Variants in ABCC2 observed in about 807,000 individuals in gnomAD.
ABCC2 encodes ATP-binding cassette sub-family C member 2.
In ABCC2, 157 loss-of-function variants were observed where a neutral mutation model predicts 173.4. That is an observed-to-expected ratio of 0.91 (90% CI 0.80 to 1.03). ABCC2 has a LOEUF of 1.03. Ranked by LOEUF, ABCC2 falls within the 50% of genes least tolerant of loss-of-function variation. The pLI, the probability that ABCC2 is intolerant of heterozygous loss-of-function variation, is 0.00. For synonymous variants in ABCC2, 657 were observed against 693.5 expected (o/e 0.95, Z 0.83); for missense variants, 1,822 against 1,852.3 (o/e 0.98, Z 0.30).
chr10:99,798,383 G>A (rs975968326), intron 7 of ABCC2, among the ~76,000 whole-genome samples: 1 of 152,170 alleles, frequency 6.6e-6, no homozygotes, highest in African/African-American at 2.4e-5. Context: ...AGCATAGACA[G>A]AGGCTGGTGA....
chr10:99,817,324 T>A lies in ABCC2; in HGVS notation c.2111T>A (p.Val704Asp). 2 of 1,614,158 alleles carry A rather than the reference T, an allele frequency of 1.2e-6. No individual in the cohort carries two copies. Among genetic ancestry groups the A allele is most frequent in the Non-Finnish European group, 1.7e-6 (2 of 1,180,006 alleles). ...HITIKGTTAY[V>D]PQQSWIQNGT... The stretch of plus-strand genomic sequence containing the variant: ...TTCATCTAGGGCACCACTGCCTATG[T>A]CCCACAGCAGTCCTGGATTCAGAAT... The change falls in exon 17 of 32, where the codon GTC becomes GAC. Residue 704 changes from valine to aspartate, a missense_variant. Coordinates refer to ENST00000647814, the MANE Select transcript of ABCC2 (RefSeq NM_000392.5).
intron 18 of ABCC2, 56 bp from the exon 19 acceptor site, chr10:99,819,030 TAAG>T: frequency 6.2e-7 from 1 of 1,612,014 alleles, no homozygotes; most frequent in Non-Finnish European, 8.5e-7. Flanking sequence ...GTCTGGCAAG[TAAG>T]ACAGGGAAGA....
intron 16 of ABCC2, among the ~76,000 whole-genome samples, chr10:99,814,106 C>CAT (rs1221402963): frequency 0.022 from 1,401 of 63,476 alleles, 346 homozygotes; most frequent in African/African-American, 0.072. Flanking sequence ...TATATACACA[C>CAT]ATATGTGTAT....
intron 16 of ABCC2, among the ~76,000 whole-genome samples, chr10:99,815,972 T>G (rs929061064): frequency 2.7e-5 from 4 of 150,382 alleles, no homozygotes; most frequent in African/African-American, 9.7e-5. Context: ...TGGTCTTGTT[T>G]TTTTTTTTTT....
intron 19 of ABCC2, among the ~76,000 whole-genome samples, chr10:99,821,849 C>T (rs1389123199): frequency 2.0e-5 from 3 of 152,004 alleles, no homozygotes; most frequent in Admixed American, 1.3e-4. Context: ...GGCCCGTTCT[C>T]GATGGTCGCT....
At chr10:99,808,928 G>A (rs1240699968) in intron 13 of ABCC2, among the ~76,000 whole-genome samples, 5 of 152,184 alleles carry the variant, frequency 3.3e-5, no homozygotes, top group Admixed American at 1.3e-4. Flanking sequence ...AGGGTGTAAA[G>A]AAAAGCTGGC....
At position 99,830,726 on chromosome 10, in the gene ABCC2, A is replaced by G; in HGVS notation, c.2758A>G (p.Asn920Asp). The G allele has an allele frequency of 6.2e-7, 1 of 1,614,128 alleles. No individual in the cohort carries two copies. The highest frequency in any genetic ancestry group is 8.5e-7 in the Non-Finnish European group (1 of 1,180,020). Residue 920 changes from asparagine (N) to aspartate (D), a missense_variant, in exon 21 of 32, where the codon AAT (asparagine) becomes GAT (aspartate). Transcript: ENST00000647814. ...GCTTCCCTCTCTCAGTTCTAGGTCC[A>G]ATGGCAGGCATCTGAAGTCCCTGAG... ...RRTLSRSSRS[N>D]GRHLKSLRNS...
intron 16 of ABCC2, among the ~76,000 whole-genome samples, chr10:99,814,785 A>G (rs1229059213): frequency 1.5e-4 from 15 of 99,966 alleles, no homozygotes; most frequent in Admixed American, 1.3e-3. Context: ...GTATGTATAT[A>G]CACACACACA....
chr10:99,836,178 T>A lies in ABCC2; in HGVS notation c.3502T>A (p.Ser1168Thr). ...CTACTCTCACTTCAGCGAGACCGTA[T>A]CAGGTTTGCCAGTTATCCGTGCCTT... Reference protein sequence around the residue: ...PIYSHFSETVSGLPVIRAFEH... With the variant: ...PIYSHFSETVTGLPVIRAFEH... The change falls in exon 25 of 32, where the codon TCA becomes ACA. Residue 1168 changes from serine (S) to threonine (T), a missense_variant. By Grantham distance (58) the Ser-to-Thr change is moderately conservative (BLOSUM62 1). Transcript: ENST00000647814. The A allele has an allele frequency of 6.2e-7, 1 of 1,614,208 alleles. No homozygotes were observed. The highest frequency in any genetic ancestry group is 8.5e-7 in the Non-Finnish European group (1 of 1,180,042).
Position 99,793,684 on chromosome 10 carries a change from A to G in ABCC2, c.467A>G (p.Gln156Arg), listed in dbSNP as rs750041547. The G allele has an allele frequency of 4.3e-6, 7 of 1,613,994 alleles. No homozygotes were observed. In the Admixed American group the frequency reaches 6.7e-5, roughly 15 times the overall value. The change falls in exon 4 of 32, where the codon CAG becomes CGG. Residue 156 changes from glutamine (Q) to arginine (R), a missense_variant and splice_region_variant. Coordinates refer to ENST00000647814, the MANE Select transcript of ABCC2 (RefSeq NM_000392.5). ...CAGACTCTGATCCGGACACTCTTAC[A>G]GGTAAGGAAAAAAAGAGTGGATGAC... ...QFQTLIRTLL[Q>R]GDNSNLAYSC...
In ABCC2 at chr10:99,784,973, T is replaced by G. The variant is rs4148383; in HGVS notation, c.207+192T>G. Among the ~76,000 whole-genome samples the G allele has an allele frequency of 9.8e-4, 149 of 152,328 alleles. 4 individuals are homozygous for G. The East Asian group carries it at 0.027, about 27-fold the overall frequency. ...CTTAAATCAAAGTGGCTTTGATTTT[T>G]GCATAAGAATGGTGACTCTTAATTC... On this transcript the variant is annotated intron_variant, in intron 2 of 31. Coordinates refer to ENST00000647814, the MANE Select transcript of ABCC2 (RefSeq NM_000392.5).
At chr10:99,820,944 A>T (rs112774653) in intron 19 of ABCC2, among the ~76,000 whole-genome samples, 5 of 152,190 alleles carry the variant, frequency 3.3e-5, no homozygotes, top group African/African-American at 1.2e-4. Context: ...AGCGTTTAGC[A>T]TATGGAGGAT....
rs560072483 is a variant in ABCC2, at chr10:99,790,711, A to G, written c.208-1523A>G. 1.1e-4 allele frequency among the ~76,000 whole-genome samples: 17 copies of G among 152,278 alleles called. No homozygotes were observed. The South Asian group carries it at 2.9e-3, about 26-fold the overall frequency. On this transcript the variant is annotated intron_variant, in intron 2 of 31. Transcript: ENST00000647814. ...TAGTCTCTTGTGAGGAAAACACCCTATAGTGTATTATATACTTGAAAAAAT... is the reference window on the plus strand; with the variant it reads ...TAGTCTCTTGTGAGGAAAACACCCTGTAGTGTATTATATACTTGAAAAAAT...
chr10:99,824,218 G>A (rs1012370921), intron 19 of ABCC2, among the ~76,000 whole-genome samples: 19 of 152,068 alleles, frequency 1.2e-4, no homozygotes, highest in South Asian at 4.2e-4. Context: ...AGAGTTGGCC[G>A]AATCCAATTA....
At chr10:99,842,265 T>C (rs1317363775) in intron 26 of ABCC2, among the ~76,000 whole-genome samples, 172 bp downstream of exon 26, 2 of 152,224 alleles carry the variant, frequency 1.3e-5, no homozygotes, top group Non-Finnish European at 2.9e-5. Context: ...TTCCTTACTC[T>C]TCCTAAGTAG....
intron 9 of ABCC2, among the ~76,000 whole-genome samples, chr10:99,803,234 G>C (rs1023091030): frequency 6.6e-6 from 1 of 152,250 alleles, no homozygotes; most frequent in African/African-American, 2.4e-5. Context: ...CTTCCAAAGT[G>C]CTAGGATTAC....
intron 19 of ABCC2, among the ~76,000 whole-genome samples, chr10:99,827,876 C>T (rs1441408034): frequency 2.1e-5 from 3 of 140,710 alleles, no homozygotes; most frequent in South Asian, 2.5e-4. Flanking sequence ...TATATGTACT[C>T]GGGATCTCTC....
chr10:99,830,800 A>C lies in ABCC2; in HGVS notation c.2832A>C (p.Glu944Asp). ...TGAATAGCCTGAAGGAAGACGAAGA[A>C]CTAGTGAAAGGACAAAAACTAATTA... Reference protein sequence around the residue: ...RNVNSLKEDEELVKGQKLIKK... With the variant: ...RNVNSLKEDEDLVKGQKLIKK... Residue 944 changes from glutamate to aspartate, a missense_variant, in exon 21 of 32, where the codon GAA becomes GAC. Glu to Asp is a conservative substitution (Grantham distance 45). Coordinates refer to ENST00000647814, the MANE Select transcript of ABCC2 (RefSeq NM_000392.5). 1.2e-6 allele frequency: 2 copies of C among 1,614,174 alleles called. No homozygotes were observed. Among genetic ancestry groups the C allele is most frequent in the Non-Finnish European group, 1.7e-6 (2 of 1,180,014 alleles).
chr10:99,783,205 T>C (rs753658090), intron 1 of ABCC2, among the ~76,000 whole-genome samples: 2 of 152,196 alleles, frequency 1.3e-5, no homozygotes, highest in African/African-American at 2.4e-5. Flanking sequence ...CATACTTTGC[T>C]AGTAGAAGGA....
Sources: gnomAD v4.1 joint callset for allele counts (sites outside exome capture counted in the v4.1 genomes callset) on GRCh38, gnomAD v4.1.1 for gene constraint, MANE v1.5 for transcripts, NCBI Gene and HGNC (gene_info 2026-07-23, HGNC 2026-07-21) for gene names.